LINGO2: variants seen among roughly 807,000 people sequenced by gnomAD.
The protein encoded by LINGO2 is leucine-rich repeat and immunoglobulin-like domain-containing nogo receptor-interacting protein 2.
LINGO2 carries 14 observed loss-of-function variants against 30.6 expected under a neutral mutation model. That is an observed-to-expected ratio of 0.46 (90% CI 0.30 to 0.72). The LOEUF (loss-of-function observed/expected upper bound fraction) is 0.72. LINGO2 is among the 30% of genes least tolerant of loss of function. The pLI is 0.07. For synonymous variants in LINGO2, 317 were observed against 288.5 expected (o/e 1.10, Z -1.00); for missense variants, 729 against 751.7 (o/e 0.97, Z 0.35).
At chr9:28,057,849 T>G (rs1464829175) in intron 4 of LINGO2, among the ~76,000 whole-genome samples, 1 of 152,082 alleles carries the variant, frequency 6.6e-6, no homozygotes, top group African/African-American at 2.4e-5. Flanking sequence ...AGTTAACTCC[T>G]GCTTATTCTT....
chr9:28,581,527 A>AAT lies in LINGO2; in HGVS notation c.-365+88671_-365+88672dup, dbSNP rs1211367883. 5.9e-5 allele frequency among the ~76,000 whole-genome samples: 9 copies of AAT among 151,268 alleles called. No homozygotes were observed. In the South Asian group the frequency reaches 1.0e-3, roughly 17 times the overall value. On this transcript the variant is annotated intron_variant, in intron 1 of 5. Transcript: ENST00000379992. Reference sequence around the variant, plus strand: ...ATAGTAAATTGTGATATATATATAGAATATATATATAGAAAGCAACATACA... The same window carrying AAT: ...ATAGTAAATTGTGATATATATATAGAATATATATATATAGAAAGCAACATACA...
chr9:28,525,781 C>A (rs756862256), intron 1 of LINGO2, among the ~76,000 whole-genome samples: 1 of 152,084 alleles, frequency 6.6e-6, no homozygotes, highest in South Asian at 2.1e-4. Flanking sequence ...AAGGGCCGGG[C>A]GCAGTGGCTC....
chr9:28,544,817 C>A (rs1821859319), intron 1 of LINGO2, among the ~76,000 whole-genome samples: 1 of 150,016 alleles, frequency 6.7e-6, no homozygotes, highest in South Asian at 2.1e-4. Flanking sequence ...GCACAACAAA[C>A]AAAGAATACC....
intron 2 of LINGO2, among the ~76,000 whole-genome samples, chr9:28,451,550 C>A (rs976162562): frequency 2.0e-5 from 3 of 151,668 alleles, no homozygotes; most frequent in Admixed American, 2.0e-4. Flanking sequence ...TATCTTGCCA[C>A]AAATTGGGTT....
At chr9:28,017,302 T>C (rs1822888649) in intron 4 of LINGO2, among the ~76,000 whole-genome samples, 1 of 152,066 alleles carries the variant, frequency 6.6e-6, no homozygotes. Flanking sequence ...GCCCTTTCAC[T>C]ACTCCTATGC....
At chr9:28,084,038 A>G (rs1270308264) in intron 4 of LINGO2, among the ~76,000 whole-genome samples, 1 of 152,164 alleles carries the variant, frequency 6.6e-6, no homozygotes, top group Non-Finnish European at 1.5e-5. Context: ...CTTGGACCTT[A>G]GAGTACAATC....
chr9:27,950,385 A>G (rs1819239917), exon 6 of LINGO2: 1 of 1,614,188 alleles, frequency 6.2e-7, no homozygotes, highest in East Asian at 2.2e-5. Flanking sequence ...TCCTGGTTCC[A>G]CATTGGCAAT....
chr9:28,253,409 C>G (rs1822274902), intron 4 of LINGO2, among the ~76,000 whole-genome samples: 2 of 152,072 alleles, frequency 1.3e-5, no homozygotes, highest in Admixed American at 1.3e-4. Flanking sequence ...TGCTGCATAC[C>G]AATTATTTTA....
At chr9:28,174,933 A>T (rs1297435093) in intron 4 of LINGO2, among the ~76,000 whole-genome samples, 25 of 145,360 alleles carry the variant, frequency 1.7e-4, no homozygotes, top group Non-Finnish European at 3.2e-4. Context: ...AGAGAGAGAG[A>T]GAGAGAGAGA....
intron 4 of LINGO2, among the ~76,000 whole-genome samples, chr9:28,034,079 G>T (rs976048353): frequency 6.6e-6 from 1 of 152,298 alleles, no homozygotes; most frequent in South Asian, 2.1e-4. Flanking sequence ...TGTCTAGGAG[G>T]CTCCTCCAAA....
exon 6 of LINGO2, chr9:27,950,645 C>A (rs767958980): frequency 6.6e-7 from 1 of 1,511,248 alleles, no homozygotes; most frequent in East Asian, 2.3e-5. Flanking sequence ...GGAATGGCTG[C>A]CAGCATGATA....
the LINGO2 span, among the ~76,000 whole-genome samples, chr9:29,188,496 C>G: frequency 1.3e-5 from 2 of 152,022 alleles, no homozygotes; most frequent in Non-Finnish European, 2.9e-5. Flanking sequence ...CACGAAACCG[C>G]CCCGATTTCT....
At chr9:28,311,568 A>C (rs1824622280) in intron 3 of LINGO2, among the ~76,000 whole-genome samples, 1 of 152,146 alleles carries the variant, frequency 6.6e-6, no homozygotes, top group Non-Finnish European at 1.5e-5. Context: ...TGCTGAGAAA[A>C]AGAATTCAGC....
chr9:27,966,258 T>A (rs1322091032), intron 5 of LINGO2, among the ~76,000 whole-genome samples: 2 of 152,190 alleles, frequency 1.3e-5, no homozygotes, highest in African/African-American at 4.8e-5. Flanking sequence ...ATATTACAGC[T>A]GAAAACAAAG....
intron 4 of LINGO2, among the ~76,000 whole-genome samples, chr9:28,215,991 A>G (rs1244823952): frequency 6.6e-6 from 1 of 151,854 alleles, no homozygotes; most frequent in Non-Finnish European, 1.5e-5. Flanking sequence ...CCCATAAAAA[A>G]TGAACACATT....
At chr9:28,178,229 A>G (rs1828802158) in intron 4 of LINGO2, among the ~76,000 whole-genome samples, 1 of 152,150 alleles carries the variant, frequency 6.6e-6, no homozygotes. Flanking sequence ...CAGCTCCCAC[A>G]GTGTTGTGAT....
chr9:29,019,475 G>A, the LINGO2 span, among the ~76,000 whole-genome samples: 1 of 152,120 alleles, frequency 6.6e-6, no homozygotes, highest in Non-Finnish European at 1.5e-5. Context: ...TAATGAAAAG[G>A]TGACCAAGGG....
the LINGO2 span, among the ~76,000 whole-genome samples, chr9:29,192,848 T>A: frequency 1.3e-5 from 2 of 152,156 alleles, no homozygotes; most frequent in Non-Finnish European, 2.9e-5. Context: ...ACAAAGGATG[T>A]TGGCTGTGGG....
chr9:28,285,260 T>C (rs1159554721), intron 4 of LINGO2, among the ~76,000 whole-genome samples: 1 of 152,126 alleles, frequency 6.6e-6, no homozygotes, highest in African/African-American at 2.4e-5. Context: ...AACTTATATA[T>C]AATGTATCAG....
Sources: allele counts gnomAD v4.1 joint callset (sites outside exome capture counted in the v4.1 genomes callset), GRCh38; gene constraint gnomAD v4.1.1; transcripts MANE v1.5; gene names NCBI Gene and HGNC (gene_info 2026-07-23, HGNC 2026-07-21).